The following RTN4 variants were observed in gnomAD, a reference collection of about 807,000 sequenced individuals.
RTN4 encodes reticulon 4, also known as reticulon-4.
A neutral mutation model predicts 90.4 loss-of-function variants in RTN4; 32 were observed. The observed-to-expected ratio is 0.35, with a 90% CI of 0.27 to 0.48. The LOEUF (loss-of-function observed/expected upper bound fraction) is 0.48. Ranked by LOEUF, RTN4 falls within the 20% of genes least tolerant of loss-of-function variation. The probability of loss-of-function intolerance (pLI) is 0.99; values close to 1 mark genes in which losing one functional copy is unlikely to be tolerated. For synonymous variants in RTN4, 629 were observed against 552.5 expected (o/e 1.14, Z -1.94); for missense variants, 1,706 against 1,430.2 (o/e 1.19, Z -3.11).
rs574329531 is a variant in RTN4, at chr2:55,105,727, G to A, written c.-214+6793C>T. ...GGCTCATGCCTAATCCCAGAACTTT[G>A]GGAGGGGAAGGAAGCAGGAGAAACA... On this transcript the variant is annotated intron_variant, in intron 1 of 3. Transcript: ENST00000427710. 3.3e-5 allele frequency among the ~76,000 whole-genome samples: 5 copies of A among 152,128 alleles called. No homozygotes were observed. In the East Asian group the frequency reaches 9.7e-4, roughly 29 times the overall value.
intron 1 of RTN4, among the ~76,000 whole-genome samples, chr2:55,046,381 T>G (rs917223612): frequency 6.6e-6 from 1 of 152,164 alleles, no homozygotes; most frequent in Non-Finnish European, 1.5e-5. Flanking sequence ...TCCCACTAGT[T>G]TTTCTCACTA....
At chr2:55,102,502 A>G (rs1195378358) in intron 1 of RTN4, among the ~76,000 whole-genome samples, 5 of 152,158 alleles carry the variant, frequency 3.3e-5, no homozygotes, top group South Asian at 4.1e-4. Flanking sequence ...TTAATGTTAT[A>G]TAATTTTCAC....
At chr2:54,988,177 C>G (rs1229722878) in intron 3 of RTN4, among the ~76,000 whole-genome samples, 5 of 152,086 alleles carry the variant, frequency 3.3e-5, no homozygotes. Flanking sequence ...ATTAGTGAGG[C>G]ATGGTGGCGC....
chr2:55,094,581 T>A (rs1220321004), intron 1 of RTN4, among the ~76,000 whole-genome samples: 1 of 151,990 alleles, frequency 6.6e-6, no homozygotes, highest in Non-Finnish European at 1.5e-5. Flanking sequence ...AAATATTAGA[T>A]AGTGATAAGA....
At chr2:55,118,740 G>A in the RTN4 span, among the ~76,000 whole-genome samples, 49 of 152,216 alleles carry the variant, frequency 3.2e-4, no homozygotes, top group African/African-American at 1.2e-3. Flanking sequence ...GGACAGAAAG[G>A]CCCTAGCTCA....
Position 55,049,822 on chromosome 2 carries a change from G to C in RTN4, c.479C>G (p.Thr160Ser). ...CGCGGCGGGAGCCGGGGCTGGCGGGGTCCACACGGGCTCTGCCTGGGGGCT... is the reference window on the plus strand; with the variant it reads ...CGCGGCGGGAGCCGGGGCTGGCGGGCTCCACACGGGCTCTGCCTGGGGGCT... ...SVSPQAEPVW[T>S]PPAPAPAAPP... The change falls in exon 1 of 9, where the codon ACC (threonine) becomes AGC (serine). Residue 160 changes from threonine to serine, a missense_variant. Thr to Ser is a moderately conservative substitution (Grantham distance 58). Coordinates refer to ENST00000337526, the MANE Select transcript of RTN4 (RefSeq NM_020532.5). The C allele has an allele frequency of 2.3e-6, 3 of 1,306,262 alleles. No homozygotes were observed. In the South Asian group the frequency reaches 6.4e-5, roughly 28 times the overall value. The allele number at this position is 1,306,262 out of a possible 1,614,324, so 80.9% of individuals were successfully genotyped here. A position where few individuals can be genotyped will look rare whatever the true frequency, so the allele number is the denominator to read the frequency against.
Position 55,026,276 on chromosome 2 carries a change from GA to G in RTN4, c.1822del (p.Ser608HisfsTer13), listed in dbSNP as rs1475851320. 6.2e-7 allele frequency: 1 copy of G among 1,613,982 alleles called. No individual in the cohort carries two copies. The highest frequency in any genetic ancestry group is 1.7e-5 in the Admixed American group (1 of 59,962). ...PSFEESEATP[S>X]PVLPDIVMEA... ...CATAACAATGTCAGGCAAAACTGGT[GA>G]AGGAGTAGCTTCTGACTCTTCAAAT... On this transcript the variant is annotated frameshift_variant, in exon 3 of 9. Coordinates refer to ENST00000337526, the MANE Select transcript of RTN4 (RefSeq NM_020532.5). LOFTEE classifies it high-confidence loss of function.
At chr2:55,076,579 T>C (rs747056263) in intron 2 of RTN4, among the ~76,000 whole-genome samples, 1 of 152,002 alleles carries the variant, frequency 6.6e-6, no homozygotes, top group Non-Finnish European at 1.5e-5. Flanking sequence ...TTTGTATTTT[T>C]AGTACAGACG....
At chr2:55,027,658 T>A (rs1044603184) in intron 2 of RTN4, among the ~76,000 whole-genome samples, 173 bp from the exon 3 acceptor site, 3 of 151,694 alleles carry the variant, frequency 2.0e-5, no homozygotes, top group Non-Finnish European at 2.9e-5. Flanking sequence ...ACTGAAAATA[T>A]TAAGCTATTG....
intron 2 of RTN4, among the ~76,000 whole-genome samples, chr2:55,058,816 T>A (rs926082618): frequency 6.6e-6 from 1 of 152,196 alleles, no homozygotes; most frequent in Non-Finnish European, 1.5e-5. Flanking sequence ...TGGTACATTG[T>A]ACAGTCAAAA....
intron 3 of RTN4, among the ~76,000 whole-genome samples, chr2:55,014,701 G>A (rs1680902636): frequency 6.6e-6 from 1 of 152,046 alleles, no homozygotes; most frequent in South Asian, 2.1e-4. Flanking sequence ...ATTTTTAGTA[G>A]AGACGAGGAT....
At chr2:55,059,649 C>A (rs530378013) in intron 2 of RTN4, among the ~76,000 whole-genome samples, 1 of 151,946 alleles carries the variant, frequency 6.6e-6, no homozygotes, top group Non-Finnish European at 1.5e-5. Flanking sequence ...GCCTGGCCAA[C>A]ATGGTGAAAC....
intron 1 of RTN4, among the ~76,000 whole-genome samples, chr2:55,088,245 G>T (rs1405761622): frequency 1.3e-5 from 2 of 152,212 alleles, no homozygotes; most frequent in Non-Finnish European, 2.9e-5. Flanking sequence ...AACTCAGTGA[G>T]TATTCATGGA....
intron 1 of RTN4, among the ~76,000 whole-genome samples, chr2:55,108,574 T>C (rs1179062613): frequency 6.6e-6 from 1 of 152,018 alleles, no homozygotes; most frequent in Non-Finnish European, 1.5e-5. Context: ...AGAGCAGCTC[T>C]AGTGGAGGGA....
At chr2:55,019,435 T>C (rs77412906) in intron 3 of RTN4, among the ~76,000 whole-genome samples, 1 of 152,252 alleles carries the variant, frequency 6.6e-6, no homozygotes, top group African/African-American at 2.4e-5. Flanking sequence ...ACAAAGACAA[T>C]ATAAGGAAAT....
At chr2:55,076,823 G>C (rs1668610788) in intron 2 of RTN4, among the ~76,000 whole-genome samples, 1 of 152,118 alleles carries the variant, frequency 6.6e-6, no homozygotes, top group South Asian at 2.1e-4. Context: ...GTTCTCACAA[G>C]ATCTGATGGT....
chr2:55,125,656 C>G, the RTN4 span, among the ~76,000 whole-genome samples: 1 of 152,050 alleles, frequency 6.6e-6, no homozygotes, highest in Non-Finnish European at 1.5e-5. Flanking sequence ...ATTCCAGCTA[C>G]TCACAAGGCT....
At chr2:55,128,594 G>A in the RTN4 span, among the ~76,000 whole-genome samples, 1 of 152,106 alleles carries the variant, frequency 6.6e-6, no homozygotes, top group African/African-American at 2.4e-5. Context: ...GATAAGGAAG[G>A]CCTTCTTAAG....
intron 5 of RTN4, among the ~76,000 whole-genome samples, chr2:54,980,621 C>A (rs1016702774): frequency 1.3e-5 from 2 of 152,128 alleles, no homozygotes; most frequent in African/African-American, 4.8e-5. Context: ...TTTATTGAAT[C>A]TATAAAAACA....
Sources: gnomAD v4.1 joint callset for allele counts (sites outside exome capture counted in the v4.1 genomes callset) on GRCh38, gnomAD v4.1.1 for gene constraint, MANE v1.5 for transcripts, NCBI Gene and HGNC (gene_info 2026-07-23, HGNC 2026-07-21) for gene names.